The following DMD variants were observed in gnomAD, a reference collection of about 807,000 sequenced individuals.
The protein encoded by DMD is dystrophin.
A neutral mutation model predicts 330.1 loss-of-function variants in DMD; 63 were observed. The observed-to-expected ratio is 0.19, with a 90% CI of 0.16 to 0.24. DMD has a LOEUF of 0.24. Among genes scored for constraint, DMD ranks in the 10% least tolerant of loss-of-function variants. DMD has a pLI of 1.00. For missense variants in DMD, 3,344 were observed against 2,684.1 expected, an observed-to-expected ratio of 1.25 and a Z score of -5.43; for synonymous variants, 1,223 against 959.8, an observed-to-expected ratio of 1.27 and a Z score of -5.07.
At chrX:32,851,373 T>C (rs2081124217) in intron 2 of DMD, among the ~76,000 whole-genome samples, 1 of 112,294 alleles carries the variant, frequency 8.9e-6, no homozygotes. Flanking sequence ...TTTGAAATTC[T>C]ACTCAAATAG....
intron 4 of DMD, among the ~76,000 whole-genome samples, chrX:32,823,763 G>A (rs2078472576): frequency 9.0e-6 from 1 of 111,534 alleles, no homozygotes; most frequent in African/African-American, 3.3e-5. Flanking sequence ...TTATAATTAA[G>A]GCTGACTGCA....
intron 1 of DMD, among the ~76,000 whole-genome samples, chrX:33,029,188 C>T (rs2094060226): frequency 9.0e-6 from 1 of 111,720 alleles, no homozygotes; most frequent in Non-Finnish European, 1.9e-5. Flanking sequence ...AATTCATTTC[C>T]TAAATTATCC....
intron 10 of DMD, 33 bp from the exon 11 acceptor site, chrX:32,644,346 G>C (rs763233105): frequency 8.4e-7 from 1 of 1,188,429 alleles, no homozygotes; most frequent in East Asian, 3.0e-5. Flanking sequence ...ATTGTAATTA[G>C]AACTCTAGGT....
chrX:32,322,311 C>A lies in DMD; in HGVS notation c.5923-12035G>T, dbSNP rs773911738. On this transcript the variant is annotated intron_variant, in intron 41 of 78. Transcript: ENST00000357033. ...TGGTGGGTCACAACTGAAATCCCAG[C>A]ACTTTAGGAGGCTGAGGTGAGAAGA... Among the ~76,000 whole-genome samples, 3 of 111,769 alleles carry A rather than the reference C, an allele frequency of 2.7e-5. No individual in the cohort carries two copies. In the Admixed American group the frequency reaches 2.9e-4, roughly 11 times the overall value.
intron 54 of DMD, among the ~76,000 whole-genome samples, chrX:31,631,312 T>C (rs2079122297): frequency 9.0e-6 from 1 of 110,891 alleles, no homozygotes; most frequent in African/African-American, 3.3e-5. Context: ...CAGCTGCTGG[T>C]AGTGCTACTG....
chrX:31,443,871 G>A (rs754953421), intron 60 of DMD, among the ~76,000 whole-genome samples: 8 of 111,601 alleles, frequency 7.2e-5, no homozygotes, highest in Non-Finnish European at 1.5e-4. Context: ...TCTGTTTATC[G>A]TAAGAATACT....
chrX:31,378,867 CTTA>C (rs1229535517), intron 60 of DMD, among the ~76,000 whole-genome samples: 2 of 111,020 alleles, frequency 1.8e-5, no homozygotes, highest in Non-Finnish European at 3.8e-5. Context: ...ACCTAAATGC[CTTA>C]TTTTCTTCTG....
At chrX:31,519,803 A>G (rs1276546290) in intron 55 of DMD, among the ~76,000 whole-genome samples, 1 of 111,996 alleles carries the variant, frequency 8.9e-6, no homozygotes, top group Non-Finnish European at 1.9e-5. Context: ...TTCTAGTACC[A>G]TGATGTAAAC....
chrX:32,880,671 G>T (rs182121306), intron 2 of DMD, among the ~76,000 whole-genome samples: 1 of 112,879 alleles, frequency 8.9e-6, no homozygotes, highest in African/African-American at 3.2e-5. Context: ...TGGGCTAGGC[G>T]CAGTGGCTCA....
At chrX:32,718,152 G>T (rs2065914800) in intron 7 of DMD, among the ~76,000 whole-genome samples, 1 of 110,860 alleles carries the variant, frequency 9.0e-6, no homozygotes, top group African/African-American at 3.3e-5. Flanking sequence ...TATGAGATTT[G>T]GGAGGGGTTG....
intron 7 of DMD, among the ~76,000 whole-genome samples, chrX:32,755,808 G>A (rs1413185097): frequency 1.8e-5 from 2 of 112,098 alleles, no homozygotes; most frequent in African/African-American, 6.5e-5. Flanking sequence ...TCAAAAGGCA[G>A]AGTAAGTGAA....
intron 7 of DMD, among the ~76,000 whole-genome samples, chrX:32,726,890 T>A (rs2066949646): frequency 9.1e-6 from 1 of 110,108 alleles, no homozygotes; most frequent in South Asian, 3.8e-4. Context: ...AGGCCTAACG[T>A]TTACTAGATG....
At chrX:32,878,851 C>T (rs138295305) in intron 2 of DMD, among the ~76,000 whole-genome samples, 2,293 of 107,069 alleles carry the variant, frequency 0.021, 66 homozygotes, top group African/African-American at 0.064. Context: ...CTATTAAAAA[C>T]ACAAAAATTA....
intron 72 of DMD, among the ~76,000 whole-genome samples, chrX:31,172,765 C>A (rs1296989542): frequency 8.9e-6 from 1 of 111,771 alleles, no homozygotes; most frequent in Non-Finnish European, 1.9e-5. Flanking sequence ...TCTTTTAGGA[C>A]AATTACTACT....
chrX:33,108,389 C>T (rs2095309605), intron 1 of DMD, among the ~76,000 whole-genome samples: 1 of 110,369 alleles, frequency 9.1e-6, no homozygotes, highest in South Asian at 3.9e-4. Context: ...GCCTCAGCAC[C>T]CCCGAGTAGC....
chrX:31,541,705 T>C (rs778766690), intron 55 of DMD, among the ~76,000 whole-genome samples: 1 of 110,794 alleles, frequency 9.0e-6, no homozygotes, highest in South Asian at 3.9e-4. Context: ...CCATGATATA[T>C]ATGTGCCACA....
intron 23 of DMD, among the ~76,000 whole-genome samples, chrX:32,466,518 G>A (rs2040041049): frequency 9.0e-6 from 1 of 111,198 alleles, no homozygotes; most frequent in African/African-American, 3.3e-5. Flanking sequence ...TTACCAGAAA[G>A]GACTTTGCAG....
Position 31,510,090 on chromosome X carries a change from G to C in DMD, c.8218-2637C>G, listed in dbSNP as rs147018544. Among the ~76,000 whole-genome samples, 886 of 112,038 alleles carry C rather than the reference G, an allele frequency of 7.9e-3. 35 individuals carry two copies. Among genetic ancestry groups the C allele is most frequent in the Admixed American group, 0.073 (772 of 10,528 alleles). ...GGTGATACAGAGCTGTAAATGACAC[G>C]TGTACAGTAAAGGGCTTTACAGGTT... On this transcript the variant is annotated intron_variant, in intron 55 of 78. Coordinates refer to ENST00000357033, the MANE Select transcript of DMD (RefSeq NM_004006.3).
intron 1 of DMD, among the ~76,000 whole-genome samples, chrX:33,032,077 T>C (rs1199810732): frequency 1.8e-5 from 2 of 111,980 alleles, no homozygotes; most frequent in African/African-American, 6.5e-5. Context: ...CCACTTGCCA[T>C]GGTTCACCAT....
Sources: gnomAD v4.1 joint callset for allele counts (sites outside exome capture counted in the v4.1 genomes callset) on GRCh38, gnomAD v4.1.1 for gene constraint, MANE v1.5 for transcripts, NCBI Gene and HGNC (gene_info 2026-07-23, HGNC 2026-07-21) for gene names.